ZNF7: variants seen among roughly 807,000 people sequenced by gnomAD.
ZNF7 encodes zinc finger protein 7.
ZNF7 carries 10 observed loss-of-function variants against 12.0 expected under a neutral mutation model. The observed-to-expected ratio is 0.83, with a 90% CI of 0.51 to 1.42. The LOEUF (loss-of-function observed/expected upper bound fraction) is 1.42. Among genes scored for constraint, ZNF7 ranks in the 40% most tolerant of loss-of-function variants. ZNF7 has a pLI of 0.00. For synonymous variants in ZNF7, 334 were observed against 295.0 expected (o/e 1.13, Z -1.35); for missense variants, 854 against 837.2 (o/e 1.02, Z -0.25).
chr8:144,841,173 A>G, intron 4 of ZNF7, 182 bp from the exon 5 acceptor site: 1 of 656,620 alleles, frequency 1.5e-6, no homozygotes, highest in African/African-American at 1.8e-5. Flanking sequence ...CAAGGTAAAA[A>G]GTATGAAACC....
chr8:144,840,891 C>T (rs1829805997), intron 4 of ZNF7, among the ~76,000 whole-genome samples: 1 of 152,172 alleles, frequency 6.6e-6, no homozygotes, highest in Non-Finnish European at 1.5e-5. Flanking sequence ...GTAGTAAGTC[C>T]CTTGGCAGCT....
intron 4 of ZNF7, among the ~76,000 whole-genome samples, chr8:144,839,753 G>T (rs893463994): frequency 1.3e-5 from 2 of 152,168 alleles, no homozygotes; most frequent in African/African-American, 4.8e-5. Context: ...TATGTTACTT[G>T]TCCCCAGCTG....
intron 4 of ZNF7, chr8:144,837,938 T>C (rs1249146631): frequency 3.1e-6 from 2 of 637,470 alleles, no homozygotes; most frequent in Non-Finnish European, 5.7e-6. Flanking sequence ...TGCATTACTT[T>C]CCTGTGGCTG....
downstream of ZNF7, chr8:144,846,073 A>G: frequency 6.5e-7 from 1 of 1,536,384 alleles, no homozygotes; most frequent in Non-Finnish European, 8.7e-7. Flanking sequence ...ACTGCTCACA[A>G]AGACTGACCC....
chr8:144,832,234 T>G (rs1208966814), intron 3 of ZNF7, among the ~76,000 whole-genome samples: 1 of 85,836 alleles, frequency 1.2e-5, no homozygotes, highest in Non-Finnish European at 2.8e-5. Flanking sequence ...GGCAACACAG[T>G]GAAACCCTGT....
At position 144,842,328 on chromosome 8, in the gene ZNF7, C is replaced by G. The variant is rs146760497; in HGVS notation, c.1221C>G (p.His407Gln). 1 of 1,613,858 alleles carries G rather than the reference C, an allele frequency of 6.2e-7. No individual in the cohort carries two copies. The highest frequency in any genetic ancestry group is 8.5e-7 in the Non-Finnish European group (1 of 1,180,048). The change falls in exon 5 of 5, where the codon CAC becomes CAG. Residue 407 changes from histidine (H) to glutamine (Q), a missense_variant. By Grantham distance (24) the His-to-Gln change is conservative. Coordinates refer to ENST00000532777, the MANE Select transcript of ZNF7 (RefSeq NM_003416.4). Reference sequence around the variant, plus strand: ...GCCTTGTTGCACATCAGAGAATTCACGCTGTAGAGAAACCATTTAAGTGTG... The same window carrying G: ...GCCTTGTTGCACATCAGAGAATTCAGGCTGTAGAGAAACCATTTAAGTGTG... ...SPSLVAHQRI[H>Q]AVEKPFKCDE...
chr8:144,844,189 G>C (rs1830346877), downstream of ZNF7, among the ~76,000 whole-genome samples: 1 of 152,168 alleles, frequency 6.6e-6, no homozygotes, highest in Non-Finnish European at 1.5e-5. Flanking sequence ...TGCACTGTGA[G>C]AGGGTACTGA....
At chr8:144,832,996 G>T (rs1239741265) in intron 3 of ZNF7, among the ~76,000 whole-genome samples, 1 of 151,962 alleles carries the variant, frequency 6.6e-6, no homozygotes, top group South Asian at 2.1e-4. Context: ...TCAGGAGTTC[G>T]AGACCAGCCA....
chr8:144,839,801 G>A (rs1346274330), intron 4 of ZNF7, among the ~76,000 whole-genome samples: 1 of 152,184 alleles, frequency 6.6e-6, no homozygotes, highest in Non-Finnish European at 1.5e-5. Context: ...TATTGGCCCA[G>A]AGCAGTGGAG....
intron 3 of ZNF7, chr8:144,834,290 G>A (rs1450133079): frequency 6.6e-6 from 1 of 152,234 alleles, no homozygotes; most frequent in African/African-American, 2.4e-5. Flanking sequence ...GTAAATCAGT[G>A]TTGCTCGGTG....
In ZNF7 at chr8:144,834,221, A is replaced by G. The variant is rs371317641; in HGVS notation, c.131-3170A>G. On this transcript the variant is annotated intron_variant, in intron 3 of 4. Coordinates refer to ENST00000532777, the MANE Select transcript of ZNF7 (RefSeq NM_003416.4). ...TTTAGCTGATTATTGCTGTAGTACA[A>G]AAATGCTGTTGGTTCTGGAGGATGA... is the stretch of plus-strand genomic sequence containing the variant. 4.6e-5 allele frequency: 7 copies of G among 152,364 alleles called. No homozygotes were observed. In the East Asian group the frequency reaches 1.2e-3, roughly 25 times the overall value. 9.4% of individuals were successfully genotyped at this position (152,364 alleles called of 1,614,324 possible).
Position 144,841,488 on chromosome 8 carries a change from T to G in ZNF7, c.381T>G (p.Asp127Glu). Residue 127 changes from aspartate (D) to glutamate (E), a missense_variant, in exon 5 of 5, where the codon GAT becomes GAG. By Grantham distance (45) the Asp-to-Glu change is conservative (BLOSUM62 2). Coordinates refer to ENST00000532777, the MANE Select transcript of ZNF7 (RefSeq NM_003416.4). ...ATCCTGGCTTTGGAGACGTTTCTGA[T>G]TCTGAGGTCTGGTTAGACAGTCATC... ...PQNPGFGDVS[D>E]SEVWLDSHLG... is the part of the protein sequence containing the mutation. 4 of 1,614,180 alleles carry G rather than the reference T, an allele frequency of 2.5e-6. No homozygotes were observed. The South Asian group carries it at 3.3e-5, about 13-fold the overall frequency.
intron 3 of ZNF7, among the ~76,000 whole-genome samples, chr8:144,833,277 T>C (rs1171786548): frequency 2.0e-5 from 3 of 152,034 alleles, no homozygotes; most frequent in Admixed American, 6.6e-5. Context: ...ATGGGATGTT[T>C]CTGAACCCTG....
chr8:144,830,528 TTCTG>T (rs1280585663), intron 3 of ZNF7, among the ~76,000 whole-genome samples: 1 of 152,242 alleles, frequency 6.6e-6, no homozygotes, highest in Non-Finnish European at 1.5e-5. Context: ...TGTTTCTTCA[TTCTG>T]TCTAAGATGC....
chr8:144,841,270 C>G (rs1281870534), intron 4 of ZNF7, 85 bp from the exon 5 acceptor site: 3 of 1,409,718 alleles, frequency 2.1e-6, no homozygotes, highest in Non-Finnish European at 1.9e-6. Flanking sequence ...TCCTGGGAGC[C>G]TTGAGCCCTG....
In ZNF7 at chr8:144,841,669, GGA is replaced by G. The variant is rs1829928457; in HGVS notation, c.568_569del (p.Ser190CysfsTer28). On this transcript the variant is annotated frameshift_variant, in exon 5 of 5. Coordinates refer to ENST00000532777, the MANE Select transcript of ZNF7 (RefSeq NM_003416.4). LOFTEE classifies it low-confidence loss of function (END_TRUNC). ...GLDCQPLESQ[G>X]ESAEGMSQRC... The stretch of plus-strand genomic sequence containing the variant: ...GGATTGTCAGCCTCTTGAAAGTCAG[GGA>G]GAGAGTGCGGAAGGGATGTCCCAGA... 3.1e-6 allele frequency: 5 copies of G among 1,613,910 alleles called. No individual in the cohort carries two copies. The highest frequency in any genetic ancestry group is 4.2e-6 in the Non-Finnish European group (5 of 1,179,962).
At chr8:144,838,013 G>C in intron 4 of ZNF7, 1 of 698,510 alleles carries the variant, frequency 1.4e-6, no homozygotes, top group Non-Finnish European at 2.6e-6. Flanking sequence ...CACAGCTGTG[G>C]AGGCCGGAAA....
At chr8:144,845,083 A>G (rs749886305), downstream of ZNF7, among the ~76,000 whole-genome samples, 5 of 152,224 alleles carry the variant, frequency 3.3e-5, no homozygotes, top group Non-Finnish European at 7.3e-5. Context: ...GGGAGGCCAC[A>G]CAGGTCTGGA....
In ZNF7 at chr8:144,837,284, C is replaced by G. The variant is rs192652530; in HGVS notation, c.131-107C>G. 1.9e-4 allele frequency: 179 copies of G among 933,790 alleles called. No homozygotes were observed. The East Asian group carries it at 3.6e-3, about 19-fold the overall frequency. The allele number at this position is 933,790 out of a possible 1,614,324, so 57.8% of individuals were successfully genotyped here. Reference sequence around the variant, plus strand: ...CTCCCTGCAGGAGCTTGGCCTGTGCCTTGTAGCCCCCCTGCCCCTTTCCAT... The same window carrying G: ...CTCCCTGCAGGAGCTTGGCCTGTGCGTTGTAGCCCCCCTGCCCCTTTCCAT... On this transcript the variant is annotated intron_variant, in intron 3 of 4. Coordinates refer to ENST00000532777, the MANE Select transcript of ZNF7 (RefSeq NM_003416.4).
Sources: gnomAD v4.1 joint callset for allele counts (sites outside exome capture counted in the v4.1 genomes callset) on GRCh38, gnomAD v4.1.1 for gene constraint, MANE v1.5 for transcripts, NCBI Gene and HGNC (gene_info 2026-07-23, HGNC 2026-07-21) for gene names.